Variants in THSD7A observed in about 807,000 individuals in gnomAD.
The protein encoded by THSD7A is thrombospondin type 1 domain containing 7A.
THSD7A carries 96 observed loss-of-function variants against 231.3 expected under a neutral mutation model. That is an observed-to-expected ratio of 0.41 (90% confidence interval 0.35 to 0.49). The LOEUF is 0.49. Ranked by LOEUF, THSD7A falls within the 20% of genes least tolerant of loss-of-function variation. The pLI, the probability that THSD7A is intolerant of heterozygous loss-of-function variation, is 0.05. For missense variants in THSD7A, 2,290 were observed against 2,070.2 expected (o/e 1.11, Z -2.06); for synonymous variants, 940 against 743.3 (o/e 1.26, Z -4.30).
chr7:11,611,044 G>C (rs1190976151), intron 2 of THSD7A, among the ~76,000 whole-genome samples: 5 of 152,138 alleles, frequency 3.3e-5, no homozygotes, highest in African/African-American at 7.2e-5. Flanking sequence ...ATGAGTTCAA[G>C]TTATAAATTA....
chr7:11,686,779 A>G (rs932016392), intron 1 of THSD7A, among the ~76,000 whole-genome samples: 8 of 151,914 alleles, frequency 5.3e-5, no homozygotes, highest in African/African-American at 1.9e-4. Context: ...GGAGCTAAAC[A>G]TTGGGTACTT....
chr7:11,521,503 T>A lies in THSD7A; in HGVS notation c.1822+19916A>T, dbSNP rs900361326. 7.1e-5 allele frequency among the ~76,000 whole-genome samples: 10 copies of A among 141,800 alleles called. 1 individual carries two copies. The highest frequency in any genetic ancestry group is 1.4e-4 in the African/African-American group (5 of 36,136). 93.0% of individuals were successfully genotyped at this position (141,800 alleles called of 152,430 possible). A position where few individuals can be genotyped will look rare whatever the true frequency, so the allele number is the denominator to read the frequency against. On this transcript the variant is annotated intron_variant, in intron 6 of 27. Transcript: ENST00000423059. ...TTATTTATTTATTTATTTATTTTTT[T>A]ATTATACTCTAAGTTTTAGGGTACA...
intron 10 of THSD7A, among the ~76,000 whole-genome samples, chr7:11,461,191 G>GT (rs1785493480): frequency 1.3e-5 from 2 of 152,066 alleles, no homozygotes; most frequent in Non-Finnish European, 2.9e-5. Flanking sequence ...CTCAGCAACT[G>GT]TAAGTATAAT....
intron 2 of THSD7A, among the ~76,000 whole-genome samples, chr7:11,598,145 G>C (rs1425918870): frequency 6.6e-6 from 1 of 152,206 alleles, no homozygotes; most frequent in Non-Finnish European, 1.5e-5. Context: ...CATGGGAGGA[G>C]AAATGGCCTG....
At chr7:11,627,437 G>T (rs1781510108) in intron 2 of THSD7A, among the ~76,000 whole-genome samples, 1 of 151,644 alleles carries the variant, frequency 6.6e-6, no homozygotes, top group Non-Finnish European at 1.5e-5. Context: ...ATATGTGTTG[G>T]TATATAGCCT....
chr7:11,575,390 A>G (rs1790849123), intron 4 of THSD7A, among the ~76,000 whole-genome samples: 1 of 152,188 alleles, frequency 6.6e-6, no homozygotes, highest in Non-Finnish European at 1.5e-5. Context: ...CAGTGCCTAG[A>G]TAAACTTTTT....
intron 2 of THSD7A, among the ~76,000 whole-genome samples, chr7:11,615,028 T>C (rs1388567606): frequency 6.6e-6 from 1 of 152,186 alleles, no homozygotes; most frequent in Admixed American, 6.5e-5. Context: ...TTATGGCAAA[T>C]TTCATAGACT....
At chr7:11,475,813 T>C (rs1786146426) in intron 7 of THSD7A, among the ~76,000 whole-genome samples, 1 of 150,868 alleles carries the variant, frequency 6.6e-6, no homozygotes, top group African/African-American at 2.4e-5. Flanking sequence ...GAGAAAAAAA[T>C]GACATAATTT....
At chr7:11,728,565 G>T (rs1486873377) in intron 1 of THSD7A, among the ~76,000 whole-genome samples, 1 of 151,956 alleles carries the variant, frequency 6.6e-6, no homozygotes, top group Admixed American at 6.6e-5. Flanking sequence ...TGGGGTAGAA[G>T]ACAATGACAA....
chr7:11,662,465 T>C (rs1782965478), intron 1 of THSD7A, among the ~76,000 whole-genome samples: 1 of 151,322 alleles, frequency 6.6e-6, no homozygotes, highest in African/African-American at 2.4e-5. Context: ...TATGACAAGA[T>C]ACTGTAAGAC....
intron 6 of THSD7A, among the ~76,000 whole-genome samples, chr7:11,490,787 C>A (rs1786858057): frequency 2.0e-5 from 3 of 151,960 alleles, no homozygotes; most frequent in Non-Finnish European, 4.4e-5. Context: ...TTCTGGCTTC[C>A]CACTTACCAC....
At chr7:11,753,021 A>C (rs1326651271) in intron 1 of THSD7A, among the ~76,000 whole-genome samples, 1 of 152,086 alleles carries the variant, frequency 6.6e-6, no homozygotes, top group Non-Finnish European at 1.5e-5. Context: ...AATTTAATTA[A>C]AGTGTTAGTT....
In THSD7A at chr7:11,476,661, C is replaced by CA. The variant is rs1786197602; in HGVS notation, c.2018-2094dup. On this transcript the variant is annotated intron_variant, in intron 7 of 27. Transcript: ENST00000423059. ...GTGAAACCTTGTCTCTACTAAAATA[C>CA]AAAAAATTAGTCAGGCATGGTGGTG... Among the ~76,000 whole-genome samples, 5 of 151,668 alleles carry CA rather than the reference C, an allele frequency of 3.3e-5. No individual in the cohort carries two copies. The South Asian group carries it at 8.3e-4, about 25-fold the overall frequency.
intron 1 of THSD7A, among the ~76,000 whole-genome samples, chr7:11,760,299 G>A (rs1782812756): frequency 6.6e-6 from 1 of 152,010 alleles, no homozygotes; most frequent in Admixed American, 6.6e-5. Flanking sequence ...AATGTTTGTT[G>A]TAAGAAAGAA....
chr7:11,554,776 CTT>C (rs549737968), intron 4 of THSD7A, among the ~76,000 whole-genome samples: 1 of 151,784 alleles, frequency 6.6e-6, no homozygotes, highest in East Asian at 1.9e-4. Context: ...TTTGTTGCCT[CTT>C]TTTTTCTGTG....
chr7:11,432,613 G>A (rs373749061), intron 13 of THSD7A, among the ~76,000 whole-genome samples: 52 of 152,144 alleles, frequency 3.4e-4, no homozygotes, highest in Middle Eastern at 3.4e-3. Context: ...TGTGATATGC[G>A]TTTTATCTAC....
Position 11,474,648 on chromosome 7 carries a change from T to G in THSD7A, c.2018-80A>C. The G allele has an allele frequency of 8.6e-7, 1 of 1,163,704 alleles. No homozygotes were observed. The highest frequency in any genetic ancestry group is 1.2e-6 in the Non-Finnish European group (1 of 832,604). 72.1% of individuals were successfully genotyped at this position (1,163,704 alleles called of 1,614,324 possible). On this transcript the variant is annotated intron_variant, in intron 7 of 27. Transcript: ENST00000423059. This position sits in a 1 kb window ranked among gnomAD's most constrained non-coding sequence, Gnocchi z 4.1. ...CATACTCTGTTCTTTGGAATTAACA[T>G]GGCTTAGAAATAAAAAGTGACTTTT...
intron 1 of THSD7A, among the ~76,000 whole-genome samples, chr7:11,727,484 T>A (rs905256644): frequency 6.6e-6 from 1 of 151,972 alleles, no homozygotes; most frequent in African/African-American, 2.4e-5. Flanking sequence ...AAATCACCTA[T>A]AGAAATACTT....
chr7:11,515,911 C>T (rs979521014), intron 6 of THSD7A, among the ~76,000 whole-genome samples: 9 of 152,128 alleles, frequency 5.9e-5, no homozygotes, highest in Non-Finnish European at 1.3e-4. Flanking sequence ...ACTGCCCAAA[C>T]TCAGTTAAAA....
Sources: gnomAD v4.1 joint callset for allele counts (sites outside exome capture counted in the v4.1 genomes callset) on GRCh38, gnomAD v4.1.1 for gene constraint, Gnocchi (gnomAD v3.1) non-coding constraint, MANE v1.5 for transcripts, NCBI Gene and HGNC (gene_info 2026-07-23, HGNC 2026-07-21) for gene names.